EZH2: variants seen among roughly 807,000 people sequenced by gnomAD.
The protein encoded by EZH2 is histone-lysine N-methyltransferase EZH2.
EZH2 carries 18 observed loss-of-function variants against 98.4 expected under a neutral mutation model. The ratio of observed to expected loss-of-function variants is 0.18; its 90% CI spans 0.13 to 0.27. The LOEUF is 0.27. EZH2 is among the 10% of genes least tolerant of loss of function. EZH2 has a pLI of 1.00. For synonymous variants in EZH2, 338 were observed against 312.3 expected, an observed-to-expected ratio of 1.08 and a Z score of -0.87; for missense variants, 470 against 935.1, an observed-to-expected ratio of 0.50 and a Z score of 6.49.
At chr7:148,881,506 T>C (rs1820949694) in intron 1 of EZH2, among the ~76,000 whole-genome samples, 2 of 152,188 alleles carry the variant, frequency 1.3e-5, no homozygotes, top group Admixed American at 1.3e-4. Context: ...CTAAATACAT[T>C]CTCAATTGTA....
chr7:148,856,457 C>T (rs907475563), intron 1 of EZH2, among the ~76,000 whole-genome samples: 5 of 152,124 alleles, frequency 3.3e-5, no homozygotes, highest in African/African-American at 1.2e-4. Flanking sequence ...GCTGAAATAC[C>T]TGCATTTCCA....
chr7:148,868,611 C>T (rs148500550), intron 1 of EZH2, among the ~76,000 whole-genome samples: 1 of 152,064 alleles, frequency 6.6e-6, no homozygotes, highest in East Asian at 1.9e-4. Flanking sequence ...CTATATCACC[C>T]TAGAACTTCC....
intron 4 of EZH2, among the ~76,000 whole-genome samples, chr7:148,830,139 G>A (rs1249166766): frequency 6.6e-6 from 1 of 152,126 alleles, no homozygotes; most frequent in African/African-American, 2.4e-5. Flanking sequence ...ATACCTCTAA[G>A]AAAGAAAAAG....
intron 11 of EZH2, 132 bp downstream of exon 11, chr7:148,817,090 G>GAA: frequency 1.2e-6 from 1 of 853,404 alleles, no homozygotes; most frequent in Non-Finnish European, 1.7e-6. Flanking sequence ...CTCTTGGGAA[G>GAA]AAAAAAAAAT....
At chr7:148,832,829 G>A in intron 3 of EZH2, 79 bp from the exon 4 acceptor site, 4 of 802,724 alleles carry the variant, frequency 5.0e-6, no homozygotes, top group Non-Finnish European at 7.9e-6. Context: ...GTAAAGAGAT[G>A]CTGCCTACCC....
At chr7:148,856,194 A>G (rs1816809645) in intron 1 of EZH2, among the ~76,000 whole-genome samples, 1 of 152,166 alleles carries the variant, frequency 6.6e-6, no homozygotes. Context: ...TCTGTACTCT[A>G]GCTGGTAAAT....
intron 15 of EZH2, among the ~76,000 whole-genome samples, chr7:148,812,917 A>G (rs1191226392): frequency 2.6e-5 from 4 of 152,230 alleles, no homozygotes; most frequent in Non-Finnish European, 5.9e-5. Context: ...TCAAAGACAC[A>G]AACAAAACCA....
Position 148,847,236 on chromosome 7 carries a change from T to C in EZH2, c.63A>G (p.Ser21=), listed in dbSNP as rs1378139855. The change falls in exon 2 of 20, where the codon TCA becomes TCG. Residue 21 remains serine (S), a synonymous_variant. Coordinates refer to ENST00000320356, the MANE Select transcript of EZH2 (RefSeq NM_004456.5). ...GPVCWRKRVK[S]EYMRLRQLKR... is the part of the protein sequence containing the mutation. Reference sequence around the variant, plus strand: ...TGAGCTGTCTCAGTCGCATGTACTCTGATTTTACACGCTTCCGCCAACAAA... The same window carrying C: ...TGAGCTGTCTCAGTCGCATGTACTCCGATTTTACACGCTTCCGCCAACAAA... The C allele has an allele frequency of 6.2e-7, 1 of 1,614,066 alleles. No individual in the cohort carries two copies. Among genetic ancestry groups the C allele is most frequent in the Non-Finnish European group, 8.5e-7 (1 of 1,179,962 alleles).
chr7:148,827,301 G>A, intron 6 of EZH2, 35 bp from the exon 7 acceptor site: 3 of 1,512,868 alleles, frequency 2.0e-6, no homozygotes, highest in Non-Finnish European at 2.7e-6. Flanking sequence ...AAAAAGAATG[G>A]AAGTAAACAA....
At chr7:148,832,576 G>A in intron 4 of EZH2, 58 bp downstream of exon 4, 3 of 922,640 alleles carry the variant, frequency 3.3e-6, no homozygotes, top group Non-Finnish European at 5.0e-6. Flanking sequence ...AATTATCTAT[G>A]CTTTTTTACT....
intron 16 of EZH2, 48 bp downstream of exon 16, chr7:148,811,577 A>C (rs770399687): frequency 4.9e-6 from 7 of 1,414,664 alleles, no homozygotes; most frequent in Non-Finnish European, 6.9e-6. Context: ...AAATAAAGTA[A>C]AGTTAGTATA....
chr7:148,873,919 T>C (rs1819826481), intron 1 of EZH2, among the ~76,000 whole-genome samples: 1 of 152,178 alleles, frequency 6.6e-6, no homozygotes, highest in Non-Finnish European at 1.5e-5. Flanking sequence ...AGAAGCTGCT[T>C]AACTTGGTTG....
At chr7:148,846,838 C>CTGTGTGTGTG (rs59597308) in intron 2 of EZH2, among the ~76,000 whole-genome samples, 7 of 135,124 alleles carry the variant, frequency 5.2e-5, no homozygotes, top group South Asian at 5.1e-4. Flanking sequence ...TCTTTGTTGA[C>CTGTGTGTGTG]TGTGTGTGTG....
chr7:148,870,292 T>C (rs1819162623), intron 1 of EZH2, among the ~76,000 whole-genome samples: 1 of 152,242 alleles, frequency 6.6e-6, no homozygotes, highest in Non-Finnish European at 1.5e-5. Flanking sequence ...GGTTTACAAA[T>C]AAATTTGCCA....
chr7:148,866,519 T>TGTATACGTATATACATATATATAC (rs1187127822), intron 1 of EZH2, among the ~76,000 whole-genome samples: 1 of 70,530 alleles, frequency 1.4e-5, no homozygotes, highest in Non-Finnish European at 3.2e-5. Flanking sequence ...CATATATATG[T>TGTATACGTATATACATATATATAC]GTATATACAT....
Position 148,815,590 on chromosome 7 carries a change from C to CT in EZH2, c.1506-45dup, listed in dbSNP as rs776635839. On this transcript the variant is annotated intron_variant, in intron 12 of 19. Transcript: ENST00000320356. The stretch of plus-strand genomic sequence containing the variant: ...AATTAAACCAAATTTCTGCGGGAAG[C>CT]TACAAATCCAACAGAGAGCTGCTTA... 8.9e-6 allele frequency: 14 copies of CT among 1,579,542 alleles called. No individual in the cohort carries two copies. The Admixed American group carries it at 1.7e-4, about 19-fold the overall frequency.
At chr7:148,810,244 G>A (rs1478537352) in intron 17 of EZH2, 89 bp downstream of exon 17, 7 of 929,356 alleles carry the variant, frequency 7.5e-6, no homozygotes, top group Admixed American at 7.1e-5. Context: ...TCACCTCACT[G>A]ACCTCTACCC....
chr7:148,845,042 A>AT (rs1813635358), intron 3 of EZH2, among the ~76,000 whole-genome samples: 1 of 152,198 alleles, frequency 6.6e-6, no homozygotes, highest in African/African-American at 2.4e-5. Flanking sequence ...CAGTGACACA[A>AT]TTCATTATTG....
intron 5 of EZH2, 115 bp from the exon 6 acceptor site, chr7:148,828,995 T>C (rs2129476551): frequency 1.9e-6 from 2 of 1,039,194 alleles, no homozygotes; most frequent in East Asian, 2.7e-5. Flanking sequence ...ACTAAAACAT[T>C]ATTATTGAAA....
Sources: allele counts gnomAD v4.1 joint callset (sites outside exome capture counted in the v4.1 genomes callset), GRCh38; gene constraint gnomAD v4.1.1; transcripts MANE v1.5; gene names NCBI Gene and HGNC (gene_info 2026-07-23, HGNC 2026-07-21).